CHIT1: variants seen among roughly 807,000 people sequenced by gnomAD.
The protein encoded by CHIT1 is chitinase 1.
A neutral mutation model predicts 52.0 loss-of-function variants in CHIT1; 47 were observed. The observed-to-expected ratio is 0.90, with a 90% CI of 0.71 to 1.15. The LOEUF (loss-of-function observed/expected upper bound fraction) is 1.15. Among genes scored for constraint, CHIT1 ranks in the 50% most tolerant of loss-of-function variants. The probability of loss-of-function intolerance (pLI) is 0.00; values close to 1 mark genes in which losing one functional copy is unlikely to be tolerated. For missense variants in CHIT1, 569 were observed against 583.0 expected, an observed-to-expected ratio of 0.98 and a Z score of 0.25; for synonymous variants, 242 against 228.2, an observed-to-expected ratio of 1.06 and a Z score of -0.54.
At chr1:203,229,180 T>C (rs531148816) in intron 1 of CHIT1, among the ~76,000 whole-genome samples, 15 of 152,288 alleles carry the variant, frequency 9.8e-5, no homozygotes, top group African/African-American at 2.9e-4. Context: ...CCCAGGATCT[T>C]GGCCCCAGGC....
rs1656877054 is a variant in CHIT1 at position 203,225,104 on chromosome 1, C to A, written c.258G>T (p.Met86Ile). 3.1e-6 allele frequency: 5 copies of A among 1,613,808 alleles called. No homozygotes were observed. The highest frequency in any genetic ancestry group is 3.4e-6 in the Non-Finnish European group (4 of 1,179,954). The change falls in exon 4 of 11, where the codon ATG becomes ATT. Residue 86 changes from methionine to isoleucine, a missense_variant and splice_region_variant. Transcript: ENST00000367229. ...LYQEFNGLKK[M>I]NPKLKTLLAI... ...CTAACAGGGTCTTCAGCTTGGGATT[C>A]CTGGGAAAGACAGGAGACACAGCAG...
At position 203,223,264 on chromosome 1, in the gene CHIT1, G is replaced by A. The variant is rs1558161383; in HGVS notation, c.481-5C>T. ...CTGGAAGGCATTGGCCAAGTCCTGT[G>A]GGAGTGGAGCTCAGAGTCAACACAG... is the stretch of plus-strand genomic sequence containing the variant. On this transcript the variant is annotated splice_polypyrimidine_tract_variant and splice_region_variant and intron_variant, in intron 5 of 10. Coordinates refer to ENST00000367229, the MANE Select transcript of CHIT1 (RefSeq NM_003465.3). 3.1e-6 allele frequency: 5 copies of A among 1,614,176 alleles called. No homozygotes were observed. The highest frequency in any genetic ancestry group is 4.2e-6 in the Non-Finnish European group (5 of 1,180,028).
Position 203,225,758 on chromosome 1 carries a change from G to A in CHIT1, c.168C>T (p.Tyr56=), listed in dbSNP as rs149551689. The change falls in exon 3 of 11, where the codon TAC becomes TAT. Residue 56 remains tyrosine, a synonymous_variant. Coordinates refer to ENST00000367229, the MANE Select transcript of CHIT1 (RefSeq NM_003465.3). ...LDPSLCTHLI[Y]AFAGMTNHQL... Reference sequence around the variant, plus strand: ...GGTGGTTGGTCATGCCAGCGAAGGCGTAGATGAGGTGGGTGCAAAGGCTGG... The same window carrying A: ...GGTGGTTGGTCATGCCAGCGAAGGCATAGATGAGGTGGGTGCAAAGGCTGG... 58 of 1,614,098 alleles carry A rather than the reference G, an allele frequency of 3.6e-5. No homozygotes were observed. In the African/African-American group the frequency reaches 4.9e-4, roughly 14 times the overall value.
intron 2 of CHIT1, among the ~76,000 whole-genome samples, chr1:203,226,771 G>T (rs1270398651): frequency 6.7e-6 from 1 of 149,032 alleles, no homozygotes; most frequent in Non-Finnish European, 1.5e-5. Context: ...CCCCACTGAG[G>T]TCAGCCCTGT....
chr1:203,217,521 G>A (rs1361619439), intron 10 of CHIT1: 6 of 1,097,126 alleles, frequency 5.5e-6, no homozygotes, highest in Middle Eastern at 2.1e-4. Flanking sequence ...ACAACCCTGG[G>A]CAGGCATTGC....
intron 4 of CHIT1, 32 bp downstream of exon 4, chr1:203,225,016 C>T: frequency 1.9e-6 from 3 of 1,605,474 alleles, no homozygotes; most frequent in Non-Finnish European, 1.7e-6. Flanking sequence ...CATCCAGGAG[C>T]TTTACCACAC....
rs1310998824 is a variant in CHIT1 at position 203,222,395 on chromosome 1, C to T, written c.606-70G>A. 2.5e-6 allele frequency: 4 copies of T among 1,609,142 alleles called. No homozygotes were observed. The African/African-American group carries it at 5.3e-5, about 22-fold the overall frequency. Reference sequence around the variant, plus strand: ...GTGGGGTAGCCCTTCTTTCTCACTCCTACCCCCTCAGTGCATGGCCTAGGG... The same window carrying T: ...GTGGGGTAGCCCTTCTTTCTCACTCTTACCCCCTCAGTGCATGGCCTAGGG... On this transcript the variant is annotated intron_variant, in intron 6 of 10. Coordinates refer to ENST00000367229, the MANE Select transcript of CHIT1 (RefSeq NM_003465.3).
Position 203,226,694 on chromosome 1 carries a change from A to G in CHIT1, c.56-824T>C, listed in dbSNP as rs547118976. On this transcript the variant is annotated intron_variant, in intron 2 of 10. Coordinates refer to ENST00000367229, the MANE Select transcript of CHIT1 (RefSeq NM_003465.3). ...AGGGTACTTGTCTCTAGAGTACCCT[A>G]CAGTGTGTGAAAAGACTTTGCAGGG... Among the ~76,000 whole-genome samples, 564 of 151,962 alleles carry G rather than the reference A, an allele frequency of 3.7e-3. 3 individuals carry two copies. The highest frequency in any genetic ancestry group is 0.013 in the African/African-American group (546 of 41,434).
intron 8 of CHIT1, 89 bp from the exon 9 acceptor site, chr1:203,219,418 A>G: frequency 2.1e-6 from 2 of 948,120 alleles, no homozygotes; most frequent in Admixed American, 1.7e-5. Flanking sequence ...TAGAGATTGG[A>G]AAATTCCTGT....
intron 1 of CHIT1, 58 bp downstream of exon 1, chr1:203,229,554 A>C (rs373820431): frequency 6.2e-7 from 1 of 1,602,782 alleles, no homozygotes; most frequent in Non-Finnish European, 8.5e-7. Context: ...GTCCCTGAAC[A>C]TCCACATCCC....
At position 203,216,363 on chromosome 1, in the gene CHIT1, A is replaced by G. The variant is rs1656526392; in HGVS notation, c.*526T>C. Reference sequence around the variant, plus strand: ...TGCTCGCAGAGCGCTTAAATCAGGGAAAAGTTCTTCTCTGCTGCCATCTAG... The same window carrying G: ...TGCTCGCAGAGCGCTTAAATCAGGGGAAAGTTCTTCTCTGCTGCCATCTAG... On this transcript the variant is annotated 3_prime_UTR_variant, in exon 11 of 11. Coordinates refer to ENST00000367229, the MANE Select transcript of CHIT1 (RefSeq NM_003465.3). 1 of 454,022 alleles carries G rather than the reference A, an allele frequency of 2.2e-6. No individual in the cohort carries two copies. Among genetic ancestry groups the G allele is most frequent in the African/African-American group, 2.0e-5 (1 of 50,004 alleles). The allele number at this position is 454,022 out of a possible 1,614,324, so 28.1% of individuals were successfully genotyped here.
chr1:203,226,870 A>C (rs1656948317), intron 2 of CHIT1, among the ~76,000 whole-genome samples: 2 of 151,986 alleles, frequency 1.3e-5, no homozygotes, highest in South Asian at 4.2e-4. Flanking sequence ...TCTCATCTTC[A>C]ATCCCGGCCC....
intron 9 of CHIT1, 45 bp from the exon 10 acceptor site, chr1:203,217,910 C>T (rs1380933797): frequency 1.9e-6 from 3 of 1,582,598 alleles, no homozygotes; most frequent in Non-Finnish European, 2.6e-6. Context: ...GGAAGCCTGA[C>T]CCGGCCACCC....
intron 4 of CHIT1, 101 bp from the exon 5 acceptor site, chr1:203,223,761 G>C: frequency 8.0e-7 from 1 of 1,247,176 alleles, no homozygotes; most frequent in African/African-American, 1.5e-5. Context: ...GTGCGTCTCT[G>C]TGTCTGGGCT....
At chr1:203,222,401 C>G in intron 6 of CHIT1, 76 bp from the exon 7 acceptor site, 8 of 1,606,296 alleles carry the variant, frequency 5.0e-6, no homozygotes, top group Admixed American at 1.7e-5. Flanking sequence ...ACTCCTACCC[C>G]CTCAGTGCAT....
chr1:203,226,019 G>A, intron 2 of CHIT1, 149 bp from the exon 3 acceptor site: 2 of 852,850 alleles, frequency 2.3e-6, no homozygotes, highest in Non-Finnish European at 1.9e-6. Context: ...AATGGCATTT[G>A]CTTTTGTGTG....
At chr1:203,219,354 G>A (rs1656648976) in intron 8 of CHIT1, 25 bp from the exon 9 acceptor site, 1 of 1,273,068 alleles carries the variant, frequency 7.9e-7, no homozygotes, top group Non-Finnish European at 1.2e-6. Flanking sequence ...GGCAGCACTG[G>A]GGAGGAGGAG....
At chr1:203,218,092 C>T (rs984414771) in intron 9 of CHIT1, 2 of 1,497,536 alleles carry the variant, frequency 1.3e-6, no homozygotes, top group Non-Finnish European at 1.8e-6. Context: ...TAAGCATGAC[C>T]TGGGGTGGGG....
intron 3 of CHIT1, 73 bp downstream of exon 3, chr1:203,225,596 T>C (rs1571849837): frequency 1.4e-6 from 2 of 1,459,112 alleles, no homozygotes. Flanking sequence ...GCTGGAGAGG[T>C]GTCTGGCTCT....
Sources: gnomAD v4.1 joint callset for allele counts (sites outside exome capture counted in the v4.1 genomes callset) on GRCh38, gnomAD v4.1.1 for gene constraint, MANE v1.5 for transcripts, NCBI Gene and HGNC (gene_info 2026-07-23, HGNC 2026-07-21) for gene names.